CMTR1: variants seen among roughly 807,000 people sequenced by gnomAD.
The protein encoded by CMTR1 is cap-specific mRNA (nucleoside-2'-O-)-methyltransferase 1.
CMTR1 carries 39 observed loss-of-function variants against 107.0 expected under a neutral mutation model. That is an observed-to-expected ratio of 0.36 (90% CI 0.28 to 0.48). The LOEUF is 0.48. Among genes scored for constraint, CMTR1 ranks in the 20% least tolerant of loss-of-function variants. CMTR1 has a pLI of 0.99. For missense variants in CMTR1, 672 were observed against 1,064.9 expected (o/e 0.63, Z 5.14); for synonymous variants, 366 against 379.5 (o/e 0.96, Z 0.41).
At chr6:37,453,344 G>T (rs771317424) in intron 8 of CMTR1, 32 bp downstream of exon 8, 2 of 1,592,278 alleles carry the variant, frequency 1.3e-6, no homozygotes, top group South Asian at 2.2e-5. Context: ...TGAATTCATG[G>T]TGCTAAGAGG....
chr6:37,444,076 T>G lies in CMTR1; in HGVS notation c.211T>G (p.Phe71Val). The G allele has an allele frequency of 6.2e-7, 1 of 1,614,212 alleles. No individual in the cohort carries two copies. Among genetic ancestry groups the G allele is most frequent in the East Asian group, 2.2e-5 (1 of 44,886 alleles). ...CAGCTCTGACTCTTTTGACGATGCATTCAAAGCAGACTCTCTTGTGGAAGG... is the reference window on the plus strand; with the variant it reads ...CAGCTCTGACTCTTTTGACGATGCAGTCAAAGCAGACTCTCTTGTGGAAGG... ...QHSSDSFDDA[F>V]KADSLVEGTS... is the part of the protein sequence containing the mutation. The change falls in exon 3 of 24, where the codon TTC (phenylalanine) becomes GTC (valine). Residue 71 changes from phenylalanine (F) to valine (V), a missense_variant. Around this residue, in one of 2 missense-constraint regions of CMTR1, gnomAD observed 89 missense variants for 96.6 expected, o/e 0.92. Transcript: ENST00000373451.
chr6:37,428,057 A>AGG, the CMTR1 span, among the ~76,000 whole-genome samples: 859 of 143,138 alleles, frequency 6.0e-3, 14 homozygotes, highest in African/African-American at 0.02. Flanking sequence ...AGAGAGAGAG[A>AGG]GAGAAACTCT....
intron 13 of CMTR1, among the ~76,000 whole-genome samples, chr6:37,464,776 A>G (rs886330026): frequency 4.6e-5 from 7 of 152,214 alleles, no homozygotes; most frequent in African/African-American, 1.7e-4. Context: ...ATTCTTGTAC[A>G]AAGTTTTTGG....
At chr6:37,475,118 G>A (rs1386466999) in intron 18 of CMTR1, among the ~76,000 whole-genome samples, 1 of 152,214 alleles carries the variant, frequency 6.6e-6, no homozygotes, top group Non-Finnish European at 1.5e-5. Context: ...ATCACCCAAT[G>A]CCTTGGATCT....
chr6:37,467,421 C>G (rs372263445), intron 13 of CMTR1, among the ~76,000 whole-genome samples: 14 of 152,296 alleles, frequency 9.2e-5, no homozygotes, highest in Admixed American at 2.0e-4. Context: ...TATGACCCAT[C>G]ATATGCTCTA....
At chr6:37,477,727 GT>G in intron 21 of CMTR1, 88 bp downstream of exon 21, 1 of 398,276 alleles carries the variant, frequency 2.5e-6, no homozygotes, top group Non-Finnish European at 5.0e-6. Context: ...CATAAGATGG[GT>G]CGGGGGCGGG....
Position 37,458,748 on chromosome 6 carries a change from C to T in CMTR1, c.914C>T (p.Pro305Leu), listed in dbSNP as rs1175068754. 6.2e-7 allele frequency: 1 copy of T among 1,614,152 alleles called. No homozygotes were observed. The highest frequency in any genetic ancestry group is 1.1e-5 in the South Asian group (1 of 91,076). ...AKGFGMTLKG[P>L]NDFKLEDFYS... ...GGCTTTGGAATGACTTTGAAGGGCC[C>T]TAATGACTTCAAGCTGGAGGACTTC... Residue 305 changes from proline (P) to leucine (L), a missense_variant, in exon 9 of 24, where the codon CCT (proline) becomes CTT (leucine). By Grantham distance (98) the Pro-to-Leu change is moderately conservative. Around this residue, in one of 2 missense-constraint regions of CMTR1, gnomAD observed 583 missense variants for 968.4 expected, o/e 0.60. Transcript: ENST00000373451. This position sits in a 1 kb window ranked among gnomAD's most constrained non-coding sequence, Gnocchi z 4.7.
intron 20 of CMTR1, among the ~76,000 whole-genome samples, chr6:37,476,615 G>A (rs1393849581): frequency 2.3e-5 from 2 of 87,466 alleles, no homozygotes; most frequent in Non-Finnish European, 4.5e-5. Flanking sequence ...CAGTGCTGAG[G>A]GAGAAGGAGG....
intron 8 of CMTR1, among the ~76,000 whole-genome samples, chr6:37,453,535 C>T (rs762655178): frequency 1.3e-5 from 2 of 152,218 alleles, no homozygotes; most frequent in Non-Finnish European, 2.9e-5. Flanking sequence ...ACTAACCCTA[C>T]AGAAGGTAGA....
Position 37,480,487 on chromosome 6 carries a change from C to G in CMTR1, c.*342C>G. The G allele has an allele frequency of 8.9e-7, 1 of 1,129,318 alleles. No homozygotes were observed. Among genetic ancestry groups the G allele is most frequent in the South Asian group, 2.3e-5 (1 of 42,920 alleles). 70.0% of individuals were successfully genotyped at this position (1,129,318 alleles called of 1,614,324 possible). A position where few individuals can be genotyped will look rare whatever the true frequency, so the allele number is the denominator to read the frequency against. The stretch of plus-strand genomic sequence containing the variant: ...GCAGAGCTGTGGGCTCTGCTGTTCT[C>G]TCCTGCATCCTGTAGACTCACTTTT... On this transcript the variant is annotated 3_prime_UTR_variant, in exon 24 of 24. Coordinates refer to ENST00000373451, the MANE Select transcript of CMTR1 (RefSeq NM_015050.3).
chr6:37,462,534 G>A (rs1478076733), intron 12 of CMTR1, among the ~76,000 whole-genome samples: 4 of 152,174 alleles, frequency 2.6e-5, no homozygotes, highest in Non-Finnish European at 4.4e-5. Context: ...CCTTCTCCTG[G>A]GAGAGTTTGA....
chr6:37,426,928 CA>C, the CMTR1 span, among the ~76,000 whole-genome samples: 2 of 152,138 alleles, frequency 1.3e-5, no homozygotes, highest in East Asian at 3.8e-4. Context: ...AAAGTTGCAA[CA>C]AAAATGGCTT....
In CMTR1 at chr6:37,450,308, A is replaced by T; in HGVS notation, c.502A>T (p.Thr168Ser). The T allele has an allele frequency of 1.2e-6, 2 of 1,613,970 alleles. No homozygotes were observed. The highest frequency in any genetic ancestry group is 1.7e-6 in the Non-Finnish European group (2 of 1,179,942). ...AGAATGTACCACTGAAATTCCTGAC[A>T]CTCAGGAAATGAGCGATTGGATGGT... ...FPECTTEIPD[T>S]QEMSDWMVVG... Residue 168 changes from threonine to serine, a missense_variant, in exon 5 of 24, where the codon ACT becomes TCT. Thr to Ser is a moderately conservative substitution (Grantham distance 58). This residue lies in a region of CMTR1 where 583 missense variants were observed against 968.4 expected (regional missense o/e 0.60). Coordinates refer to ENST00000373451, the MANE Select transcript of CMTR1 (RefSeq NM_015050.3).
At chr6:37,436,326 A>G (rs181802381) in intron 2 of CMTR1, 1 of 152,336 alleles carries the variant, frequency 6.6e-6, no homozygotes, top group East Asian at 1.9e-4. Flanking sequence ...CACAGTTTCC[A>G]TAGATGCTTT....
intron 17 of CMTR1, among the ~76,000 whole-genome samples, chr6:37,474,017 G>T (rs1761681983): frequency 6.6e-6 from 1 of 152,212 alleles, no homozygotes; most frequent in Admixed American, 6.5e-5. Flanking sequence ...CTAAAGTGAG[G>T]TGAGGGAAAG....
intron 14 of CMTR1, 147 bp downstream of exon 14, chr6:37,471,224 C>A: frequency 1.5e-6 from 1 of 672,824 alleles, no homozygotes; most frequent in Non-Finnish European, 2.4e-6. Context: ...CTGAAGGATG[C>A]CAGAGAAGCA....
At chr6:37,437,124 A>C (rs1014720236) in intron 2 of CMTR1, among the ~76,000 whole-genome samples, 1 of 152,036 alleles carries the variant, frequency 6.6e-6, no homozygotes, top group Non-Finnish European at 1.5e-5. Context: ...CTTTAAAGCA[A>C]GCTTGTCCAA....
intron 1 of CMTR1, among the ~76,000 whole-genome samples, chr6:37,434,846 A>G (rs1771489457): frequency 6.6e-6 from 1 of 152,180 alleles, no homozygotes; most frequent in Admixed American, 6.5e-5. Context: ...TCCTGACCTC[A>G]GGTGATCCGC....
At chr6:37,476,224 T>C in intron 20 of CMTR1, 30 bp downstream of exon 20, 1 of 1,611,176 alleles carries the variant, frequency 6.2e-7, no homozygotes, top group Non-Finnish European at 8.5e-7. Context: ...CCTCCATGCT[T>C]CTTTCTGGCC....
Sources: gnomAD v4.1 joint callset for allele counts (sites outside exome capture counted in the v4.1 genomes callset) on GRCh38, gnomAD v4.1.1 for gene constraint, gnomAD v4.1.1 regional missense constraint, Gnocchi (gnomAD v3.1) non-coding constraint, MANE v1.5 for transcripts, NCBI Gene and HGNC (gene_info 2026-07-23, HGNC 2026-07-21) for gene names.